RAB3C: variants seen among roughly 807,000 people sequenced by gnomAD.
RAB3C encodes the protein ras-related protein Rab-3C.
Under a neutral mutation model 26.4 loss-of-function variants are expected in RAB3C, and 17 were observed. That is an observed-to-expected ratio of 0.64 (90% CI 0.44 to 0.97). The LOEUF is 0.97. Among genes scored for constraint, RAB3C ranks in the 50% least tolerant of loss-of-function variants. The pLI is 0.00. For missense variants in RAB3C, 242 were observed against 281.9 expected (o/e 0.86, Z 1.01); for synonymous variants, 91 against 95.9 (o/e 0.95, Z 0.30).
At chr5:58,817,611 T>C (rs1743245371) in intron 3 of RAB3C, among the ~76,000 whole-genome samples, 1 of 152,164 alleles carries the variant, frequency 6.6e-6, no homozygotes, top group Admixed American at 6.6e-5. Context: ...AAGAAATAGA[T>C]TATTTAGAAA....
At chr5:58,633,870 C>T (rs1467153181) in intron 2 of RAB3C, among the ~76,000 whole-genome samples, 8 of 152,152 alleles carry the variant, frequency 5.3e-5, no homozygotes, top group East Asian at 1.9e-4. Context: ...TGGTGGCTCA[C>T]GCCTATAATC....
chr5:58,678,138 G>A (rs1456225312), intron 2 of RAB3C, among the ~76,000 whole-genome samples: 1 of 151,890 alleles, frequency 6.6e-6, no homozygotes, highest in East Asian at 1.9e-4. Context: ...TGATTGTTTG[G>A]GGTCTATTCC....
At chr5:58,810,265 G>A (rs1428506510) in intron 3 of RAB3C, among the ~76,000 whole-genome samples, 1 of 151,916 alleles carries the variant, frequency 6.6e-6, no homozygotes, top group Non-Finnish European at 1.5e-5. Flanking sequence ...GCACAGGGAG[G>A]GCAAGAAACA....
At chr5:58,790,845 G>A (rs1742508736) in intron 3 of RAB3C, among the ~76,000 whole-genome samples, 1 of 152,006 alleles carries the variant, frequency 6.6e-6, no homozygotes, top group Admixed American at 6.6e-5. Context: ...CCACATAACT[G>A]AAGGGTTCAG....
chr5:58,617,645 G>A lies in RAB3C; in HGVS notation c.27G>A (p.Met9Ile), dbSNP rs761428751. The change falls in exon 2 of 5, where the codon ATG becomes ATA. Residue 9 changes from methionine (M) to isoleucine (I), a missense_variant and splice_region_variant. Transcript: ENST00000282878. MRHEAPMQ[M>I]ASAQDARYGQ... ...GTTTTGTTTTGTTTTTATCACAGAT[G>A]GCCTCTGCCCAAGATGCCAGGTACG... The A allele has an allele frequency of 2.3e-5, 37 of 1,610,974 alleles. No homozygotes were observed. Among genetic ancestry groups the A allele is most frequent in the Admixed American group, 5.0e-5 (3 of 59,888 alleles).
intron 4 of RAB3C, among the ~76,000 whole-genome samples, chr5:58,839,404 G>A (rs56784376): frequency 0.019 from 2,767 of 148,302 alleles, 93 homozygotes; most frequent in African/African-American, 0.064. Context: ...GAGTTTTGCT[G>A]TTGTTGCCCA....
intron 2 of RAB3C, among the ~76,000 whole-genome samples, chr5:58,678,415 T>C (rs544716913): frequency 1.3e-5 from 2 of 152,298 alleles, no homozygotes; most frequent in South Asian, 4.1e-4. Context: ...TGGGAACACA[T>C]GGAGTCTGCC....
At chr5:58,766,564 C>CT (rs774306939) in intron 3 of RAB3C, among the ~76,000 whole-genome samples, 46 of 152,174 alleles carry the variant, frequency 3.0e-4, no homozygotes, top group Non-Finnish European at 5.9e-4. Context: ...AATAATTAAG[C>CT]CCTTTCAAGT....
At chr5:58,626,444 G>A (rs1467548497) in intron 2 of RAB3C, among the ~76,000 whole-genome samples, 1 of 151,996 alleles carries the variant, frequency 6.6e-6, no homozygotes, top group Non-Finnish European at 1.5e-5. Context: ...TTTATATTAG[G>A]CCTATTCTAG....
intron 1 of RAB3C, among the ~76,000 whole-genome samples, chr5:58,614,491 C>A (rs1746783361): frequency 6.6e-6 from 1 of 151,920 alleles, no homozygotes; most frequent in South Asian, 2.1e-4. Flanking sequence ...AAAAAAAAAC[C>A]CATGAACAGT....
chr5:58,603,038 T>A (rs566380303), intron 1 of RAB3C, among the ~76,000 whole-genome samples: 1 of 152,294 alleles, frequency 6.6e-6, no homozygotes, highest in South Asian at 2.1e-4. Flanking sequence ...CATTTGCTTG[T>A]CTGAATATGA....
At chr5:58,786,449 G>A (rs542594903) in intron 3 of RAB3C, among the ~76,000 whole-genome samples, 47 of 152,188 alleles carry the variant, frequency 3.1e-4, no homozygotes, top group African/African-American at 1.1e-3. Context: ...CAGACAGACA[G>A]GAGGGACGCA....
At chr5:58,749,690 A>G (rs929737790) in intron 3 of RAB3C, among the ~76,000 whole-genome samples, 1 of 152,200 alleles carries the variant, frequency 6.6e-6, no homozygotes, top group Admixed American at 6.5e-5. Flanking sequence ...ATGGTTTGTC[A>G]TATTAAAATT....
At position 58,851,267 on chromosome 5, in the gene RAB3C, G is replaced by A. The variant is rs181541075; in HGVS notation, c.600G>A (p.Glu200=). 6.2e-7 allele frequency: 1 copy of A among 1,613,960 alleles called. No homozygotes were observed. Among genetic ancestry groups the A allele is most frequent in the East Asian group, 2.2e-5 (1 of 44,842 alleles). ...IICDKMSESL[E]TDPAITAAKQ... is the part of the protein sequence containing the mutation. ...GCGACAAAATGTCAGAGAGTTTGGA[G>A]ACTGATCCTGCCATCACTGCTGCAA... Residue 200 remains glutamate (E), a synonymous_variant, in exon 5 of 5, where the codon GAG becomes GAA. Transcript: ENST00000282878.
chr5:58,760,992 G>T (rs1741782835), intron 3 of RAB3C, among the ~76,000 whole-genome samples: 1 of 151,220 alleles, frequency 6.6e-6, no homozygotes, highest in Non-Finnish European at 1.5e-5. Context: ...CATTTTAAAT[G>T]CAGTTTATAG....
At chr5:58,643,755 A>G (rs762314142) in intron 2 of RAB3C, among the ~76,000 whole-genome samples, 1 of 152,228 alleles carries the variant, frequency 6.6e-6, no homozygotes, top group Non-Finnish European at 1.5e-5. Flanking sequence ...GCAAAATACT[A>G]ATGAGGACAT....
chr5:58,728,173 G>A (rs1332394812), intron 3 of RAB3C, among the ~76,000 whole-genome samples: 1 of 151,948 alleles, frequency 6.6e-6, no homozygotes, highest in Non-Finnish European at 1.5e-5. Context: ...ATTTATTAGG[G>A]TTTTTTAATT....
At chr5:58,670,723 A>G (rs1456089348) in intron 2 of RAB3C, among the ~76,000 whole-genome samples, 1 of 152,206 alleles carries the variant, frequency 6.6e-6, no homozygotes, top group Non-Finnish European at 1.5e-5. Context: ...CATTAAGCAG[A>G]GGCCTTATGT....
intron 3 of RAB3C, among the ~76,000 whole-genome samples, chr5:58,811,065 GT>G (rs1433654569): frequency 1.3e-5 from 2 of 152,182 alleles, no homozygotes; most frequent in Non-Finnish European, 2.9e-5. Context: ...TGAGCATAGG[GT>G]TTAATGAACC....
Sources: gnomAD v4.1 joint callset for allele counts (sites outside exome capture counted in the v4.1 genomes callset) on GRCh38, gnomAD v4.1.1 for gene constraint, MANE v1.5 for transcripts, NCBI Gene and HGNC (gene_info 2026-07-23, HGNC 2026-07-21) for gene names.